Variants in DAB1 observed in about 807,000 individuals in gnomAD.
The protein encoded by DAB1 is disabled homolog 1.
Under a neutral mutation model 64.6 loss-of-function variants are expected in DAB1, and 15 were observed. The observed-to-expected ratio is 0.23, with a 90% CI of 0.16 to 0.36. The LOEUF is 0.36. Among genes scored for constraint, DAB1 ranks in the 10% least tolerant of loss-of-function variants. The probability of loss-of-function intolerance (pLI) is 1.00; values close to 1 mark genes in which losing one functional copy is unlikely to be tolerated. For missense variants in DAB1, 596 were observed against 706.7 expected, an observed-to-expected ratio of 0.84 and a Z score of 1.78; for synonymous variants, 235 against 251.9, an observed-to-expected ratio of 0.93 and a Z score of 0.64.
At chr1:57,669,771 G>C (rs1646489524) in intron 6 of DAB1, among the ~76,000 whole-genome samples, 1 of 152,052 alleles carries the variant, frequency 6.6e-6, no homozygotes, top group Admixed American at 6.6e-5. Flanking sequence ...CTAAGTCAAG[G>C]CCCTGTCCTA....
At chr1:58,490,829 A>G (rs759766407) in intron 3 of DAB1, among the ~76,000 whole-genome samples, 9 of 80,154 alleles carry the variant, frequency 1.1e-4, no homozygotes, top group East Asian at 5.0e-4. Flanking sequence ...TTTTTTTGAG[A>G]CGGACTCTCG....
At chr1:58,160,383 G>A (rs536824201) in intron 4 of DAB1, among the ~76,000 whole-genome samples, 2 of 152,284 alleles carry the variant, frequency 1.3e-5, no homozygotes, top group African/African-American at 4.8e-5. Flanking sequence ...CTCCTATCAT[G>A]TACCTGGCAT....
At chr1:58,524,438 T>C (rs1170556599) in intron 2 of DAB1, among the ~76,000 whole-genome samples, 2 of 152,238 alleles carry the variant, frequency 1.3e-5, no homozygotes, top group African/African-American at 2.4e-5. Flanking sequence ...AGTTGTAATA[T>C]AATGACTTTG....
chr1:58,351,292 C>T (rs994688378), intron 3 of DAB1, among the ~76,000 whole-genome samples: 7 of 151,982 alleles, frequency 4.6e-5, no homozygotes, highest in Non-Finnish European at 7.4e-5. Context: ...GCTCATAAAC[C>T]CATGCATGGT....
rs190505845 is a variant in DAB1 at position 57,672,220 on chromosome 1, C to T, written n.552-22555G>A. Reference sequence around the variant, plus strand: ...CTGCTCTTGACCTGTTATGTTGCCTCATTAATGTAAAATACACAAATGAAA... The same window carrying T: ...CTGCTCTTGACCTGTTATGTTGCCTTATTAATGTAAAATACACAAATGAAA... On this transcript the variant is annotated intron_variant and non_coding_transcript_variant, in intron 6 of 20. Coordinates refer to the DAB1 transcript ENST00000485760. 2.6e-5 allele frequency among the ~76,000 whole-genome samples: 4 copies of T among 152,190 alleles called. No homozygotes were observed. The East Asian group carries it at 7.7e-4, about 29-fold the overall frequency.
rs143447140 is a variant in DAB1 at position 57,248,314 on chromosome 1, G to A, written c.67+42650C>T. On this transcript the variant is annotated intron_variant, in intron 2 of 14. Coordinates refer to ENST00000371236, the MANE Select transcript of DAB1 (RefSeq NM_001365792.1). ...GGTTGAACCTGAGAATGCCAAACCT[G>A]TAGATGAGGAACCTGTAGATATGGA... Among the ~76,000 whole-genome samples, 316 of 151,956 alleles carry A rather than the reference G, an allele frequency of 2.1e-3. 1 individual carries two copies. The highest frequency in any genetic ancestry group is 7.2e-3 in the African/African-American group (299 of 41,416).
Position 58,042,507 on chromosome 1 carries a change from C to A in DAB1, n.387+108004G>T, listed in dbSNP as rs573933728. The stretch of plus-strand genomic sequence containing the variant: ...AGCCTTTCAAGCAGGTTGTACACAC[C>A]CAAAACTACACATACTGAGCGATAG... On this transcript the variant is annotated intron_variant and non_coding_transcript_variant, in intron 5 of 20. Coordinates refer to the DAB1 transcript ENST00000485760. 2.0e-5 allele frequency among the ~76,000 whole-genome samples: 3 copies of A among 152,192 alleles called. No homozygotes were observed. The East Asian group carries it at 5.8e-4, about 29-fold the overall frequency.
chr1:58,033,714 A>C (rs1245057866), intron 5 of DAB1, among the ~76,000 whole-genome samples: 1 of 152,216 alleles, frequency 6.6e-6, no homozygotes, highest in South Asian at 2.1e-4. Context: ...ATTAAGAGTG[A>C]CATTAAATTT....
At chr1:57,957,354 G>C (rs190939009) in intron 5 of DAB1, among the ~76,000 whole-genome samples, 8 of 152,302 alleles carry the variant, frequency 5.3e-5, no homozygotes, top group Non-Finnish European at 8.8e-5. Context: ...TTCAGCCTAA[G>C]CAATGGAAGG....
intron 11 of DAB1, among the ~76,000 whole-genome samples, chr1:57,020,806 T>C (rs2100362088): frequency 6.6e-6 from 1 of 152,332 alleles, no homozygotes; most frequent in South Asian, 2.1e-4. Context: ...AAGTATTATT[T>C]TACACTCAGT....
intron 1 of DAB1, among the ~76,000 whole-genome samples, chr1:57,398,478 A>C (rs141251212): frequency 6.6e-5 from 10 of 152,202 alleles, no homozygotes; most frequent in African/African-American, 2.4e-4. Context: ...CCAGAGACTT[A>C]ATTGTTTTTT....
At chr1:57,241,013 A>G (rs554478772) in intron 2 of DAB1, among the ~76,000 whole-genome samples, 1 of 152,322 alleles carries the variant, frequency 6.6e-6, no homozygotes, top group South Asian at 2.1e-4. Context: ...ATTTGCATGT[A>G]TCTGCACTAT....
At chr1:57,017,281 C>A (rs139852538) in intron 11 of DAB1, among the ~76,000 whole-genome samples, 163 of 152,200 alleles carry the variant, frequency 1.1e-3, no homozygotes, top group African/African-American at 3.8e-3. Flanking sequence ...CAAAACTAGC[C>A]TTTCCATGGC....
intron 3 of DAB1, among the ~76,000 whole-genome samples, chr1:58,371,767 A>G (rs1209167184): frequency 6.6e-6 from 1 of 152,148 alleles, no homozygotes; most frequent in Non-Finnish European, 1.5e-5. Flanking sequence ...CACTGTTGCT[A>G]AAAGGGGCCA....
At chr1:57,001,980 G>A (rs78850177) in intron 14 of DAB1, among the ~76,000 whole-genome samples, 3,928 of 152,256 alleles carry the variant, frequency 0.026, 177 homozygotes, top group African/African-American at 0.089. Context: ...CCCGAATTCT[G>A]AATGAAGCTT....
At chr1:57,109,505 T>C (rs1335413945) in intron 4 of DAB1, among the ~76,000 whole-genome samples, 2 of 152,164 alleles carry the variant, frequency 1.3e-5, no homozygotes, top group Non-Finnish European at 2.9e-5. Flanking sequence ...GGAGTATGAA[T>C]TTAAAAAAAT....
chr1:58,526,985 T>C (rs968044924), intron 2 of DAB1, among the ~76,000 whole-genome samples: 4 of 152,152 alleles, frequency 2.6e-5, no homozygotes, highest in African/African-American at 9.6e-5. Context: ...AATCAAGAAC[T>C]GACTTTCTTT....
intron 2 of DAB1, among the ~76,000 whole-genome samples, chr1:57,251,714 G>C (rs1180223332): frequency 6.6e-6 from 1 of 152,028 alleles, no homozygotes; most frequent in Non-Finnish European, 1.5e-5. Flanking sequence ...TATTGAAATA[G>C]AAGGAATTTT....
intron 4 of DAB1, among the ~76,000 whole-genome samples, chr1:58,180,696 A>G (rs188906666): frequency 1.3e-5 from 2 of 152,092 alleles, no homozygotes; most frequent in African/African-American, 2.4e-5. Flanking sequence ...CTTGTTCAGT[A>G]TATTTCCTAA....
Sources: gnomAD v4.1 joint callset for allele counts (sites outside exome capture counted in the v4.1 genomes callset) on GRCh38, gnomAD v4.1.1 for gene constraint, MANE v1.5 for transcripts, NCBI Gene and HGNC (gene_info 2026-07-23, HGNC 2026-07-21) for gene names.